NPEPPS: variants seen among roughly 807,000 people sequenced by gnomAD.
NPEPPS encodes puromycin-sensitive aminopeptidase.
In NPEPPS, 14 loss-of-function variants were observed where a neutral mutation model predicts 115.5. The ratio of observed to expected loss-of-function variants is 0.12; its 90% CI spans 0.08 to 0.19. NPEPPS has a LOEUF of 0.19. NPEPPS is among the 10% of genes least tolerant of loss of function. The pLI is 1.00. For synonymous variants in NPEPPS, 285 were observed against 390.6 expected, an observed-to-expected ratio of 0.73 and a Z score of 3.19; for missense variants, 523 against 1,110.8, an observed-to-expected ratio of 0.47 and a Z score of 7.52.
At position 47,621,788 on chromosome 17, in the gene NPEPPS, A is replaced by G. The variant is rs1416155797; in HGVS notation, c.2628A>G (p.Pro876=). The part of the protein sequence containing the change: ...GEVKAFFESH[P]APSAERTIQQ... The stretch of plus-strand genomic sequence containing the variant: ...ACCAGGCTTTCTTCGAGAGTCACCC[A>G]GCTCCTTCAGCTGAGCGTACCATCC... The change falls in exon 23 of 23, where the codon CCA becomes CCG. Residue 876 remains proline, a synonymous_variant. Transcript: ENST00000322157. 1.9e-6 allele frequency: 3 copies of G among 1,611,678 alleles called. No homozygotes were observed. The highest frequency in any genetic ancestry group is 2.5e-6 in the Non-Finnish European group (3 of 1,178,158).
chr17:47,573,290 A>G (rs1365202554), intron 3 of NPEPPS, among the ~76,000 whole-genome samples: 5 of 152,166 alleles, frequency 3.3e-5, no homozygotes, highest in Admixed American at 6.5e-5. Context: ...GTAGCATACT[A>G]CCTTTAAAAT....
intron 1 of NPEPPS, among the ~76,000 whole-genome samples, chr17:47,534,097 CTT>C (rs911885695): frequency 6.9e-6 from 1 of 145,864 alleles, no homozygotes. Context: ...TGACAAAATT[CTT>C]TTTTTTTTTT....
In NPEPPS at chr17:47,565,480, T is replaced by C. The variant is rs1597842807; in HGVS notation, c.341-3937T>C. On this transcript the variant is annotated intron_variant, in intron 2 of 22. Coordinates refer to ENST00000322157, the MANE Select transcript of NPEPPS (RefSeq NM_006310.4). ...GAGATCATGCCACTGCATGCCAGCC[T>C]GGGCGACAGAGCAAGACTCCATCTC... is the stretch of plus-strand genomic sequence containing the variant. Among the ~76,000 whole-genome samples the C allele has an allele frequency of 7.5e-5, 9 of 120,746 alleles. No homozygotes were observed. The Admixed American group carries it at 9.9e-4, about 13-fold the overall frequency. 79.2% of individuals were successfully genotyped at this position (120,746 alleles called of 152,430 possible).
At chr17:47,617,649 A>G (rs1433390454) in intron 19 of NPEPPS, among the ~76,000 whole-genome samples, 1 of 152,186 alleles carries the variant, frequency 6.6e-6, no homozygotes, top group Non-Finnish European at 1.5e-5. Flanking sequence ...ACTATTATAA[A>G]TTAATTTGAT....
rs2143746037 is a variant in NPEPPS, at chr17:47,553,960, C to T, written c.340+7967C>T. ...AGAGACGGGGTTTCATCGTGTTAGC[C>T]AGGATGGTCTCCATCTTCTGACCTC... On this transcript the variant is annotated intron_variant, in intron 2 of 22. Transcript: ENST00000322157. Among the ~76,000 whole-genome samples, 3 of 151,710 alleles carry T rather than the reference C, an allele frequency of 2.0e-5. No individual in the cohort carries two copies. In the East Asian group the frequency reaches 5.8e-4, roughly 29 times the overall value.
chr17:47,594,409 A>T (rs1597872076), intron 12 of NPEPPS, among the ~76,000 whole-genome samples: 1 of 135,088 alleles, frequency 7.4e-6, no homozygotes, highest in African/African-American at 2.7e-5. Flanking sequence ...ATTCTTTTCA[A>T]TTCTTTTTTT....
At position 47,583,923 on chromosome 17, in the gene NPEPPS, TA is replaced by T. The variant is rs58468752; in HGVS notation, c.648+1087del. 3.7e-3 allele frequency among the ~76,000 whole-genome samples: 524 copies of T among 140,014 alleles called. 1 individual carries two copies. Among genetic ancestry groups the T allele is most frequent in the African/African-American group, 0.013 (468 of 36,776 alleles). 91.9% of individuals were successfully genotyped at this position (140,014 alleles called of 152,430 possible). A position where few individuals can be genotyped will look rare whatever the true frequency, so the allele number is the denominator to read the frequency against. On this transcript the variant is annotated intron_variant, in intron 5 of 22. Coordinates refer to ENST00000322157, the MANE Select transcript of NPEPPS (RefSeq NM_006310.4). ...GGTGACAGAACAAGACCCCATCTCTTAAAAAAAAAAAAATAGGCCAGGCATG... is the reference window on the plus strand; with the variant it reads ...GGTGACAGAACAAGACCCCATCTCTTAAAAAAAAAAAATAGGCCAGGCATG...
At chr17:47,573,492 G>C (rs577657936) in intron 3 of NPEPPS, among the ~76,000 whole-genome samples, 31 of 152,328 alleles carry the variant, frequency 2.0e-4, no homozygotes, top group Middle Eastern at 6.8e-3. Flanking sequence ...CTTTGTAAAA[G>C]ATATTGGAGT....
intron 1 of NPEPPS, among the ~76,000 whole-genome samples, chr17:47,541,432 A>G (rs929542451): frequency 2.0e-4 from 30 of 151,262 alleles, no homozygotes; most frequent in African/African-American, 6.6e-4. Context: ...GTTGGAGTGC[A>G]ATGGCGCGAT....
In NPEPPS at chr17:47,524,615, C is replaced by T. The variant is rs530035024; in HGVS notation, c.77+1552C>T. Among the ~76,000 whole-genome samples, 376 of 151,914 alleles carry T rather than the reference C, an allele frequency of 2.5e-3. 3 individuals are homozygous for T. The highest frequency in any genetic ancestry group is 8.7e-3 in the African/African-American group (362 of 41,450). ...GTTCACACCATTCTCCTGCCTCAGC[C>T]TCCTGAGTAGCTGGGACTACAGGCA... is the stretch of plus-strand genomic sequence containing the variant. On this transcript the variant is annotated intron_variant, in intron 1 of 5. Coordinates refer to the NPEPPS transcript ENST00000525007.
chr17:47,592,783 G>T, intron 12 of NPEPPS: 1 of 391,810 alleles, frequency 2.6e-6, no homozygotes, highest in Non-Finnish European at 4.8e-6. Context: ...AAAGTTCTAG[G>T]GTGCATGTGC....
rs200094776 is a variant in NPEPPS at position 47,559,182 on chromosome 17, TAC to T, written c.341-10233_341-10232del. On this transcript the variant is annotated intron_variant, in intron 2 of 22. Transcript: ENST00000322157. ...CCTCAGCCTCCTGAGTAGCTGGAAC[TAC>T]AGATATACGCTACCGTGGTGCCTGG... 7.4e-3 allele frequency among the ~76,000 whole-genome samples: 1,120 copies of T among 152,262 alleles called. 8 individuals carry two copies. Among genetic ancestry groups the T allele is most frequent in the Non-Finnish European group, 0.011 (781 of 68,028 alleles).
chr17:47,589,796 T>C (rs1912392934), intron 9 of NPEPPS, among the ~76,000 whole-genome samples: 1 of 152,216 alleles, frequency 6.6e-6, no homozygotes, highest in Non-Finnish European at 1.5e-5. Flanking sequence ...CAGTACTCTT[T>C]CTCAGTTTCT....
intron 3 of NPEPPS, among the ~76,000 whole-genome samples, chr17:47,578,430 C>G (rs1405448105): frequency 6.6e-6 from 1 of 151,750 alleles, no homozygotes; most frequent in Non-Finnish European, 1.5e-5. Flanking sequence ...CACCATTCCT[C>G]TACGTTTTTT....
chr17:47,584,994 A>C (rs992118673), intron 5 of NPEPPS, among the ~76,000 whole-genome samples: 2 of 151,856 alleles, frequency 1.3e-5, no homozygotes, highest in African/African-American at 4.8e-5. Flanking sequence ...TGCCTGGCTA[A>C]TGTTTTGTAT....
intron 1 of NPEPPS, among the ~76,000 whole-genome samples, chr17:47,534,292 T>C (rs1908031478): frequency 1.3e-5 from 2 of 151,916 alleles, no homozygotes; most frequent in African/African-American, 4.8e-5. Flanking sequence ...AGGGTTTTAC[T>C]GTGGTCTCGA....
At chr17:47,576,026 T>G (rs1911501130) in intron 3 of NPEPPS, among the ~76,000 whole-genome samples, 1 of 152,226 alleles carries the variant, frequency 6.6e-6, no homozygotes, top group South Asian at 2.1e-4. Context: ...ATCTATCTGA[T>G]AATGAAGCAA....
Position 47,531,214 on chromosome 17 carries a change from C to T in NPEPPS, c.-87C>T. 3 of 1,399,678 alleles carry T rather than the reference C, an allele frequency of 2.1e-6. No individual in the cohort carries two copies. Among genetic ancestry groups the T allele is most frequent in the African/African-American group, 1.5e-5 (1 of 68,134 alleles). 86.7% of individuals were successfully genotyped at this position (1,399,678 alleles called of 1,614,324 possible). On this transcript the variant is annotated 5_prime_UTR_variant, in exon 1 of 23. Coordinates refer to ENST00000322157, the MANE Select transcript of NPEPPS (RefSeq NM_006310.4). ...CCAGTCCGCCCGCACCGCCTCCTTCCCAGCCCCTAGCGCTCCGGCTGGGTC... is the reference window on the plus strand; with the variant it reads ...CCAGTCCGCCCGCACCGCCTCCTTCTCAGCCCCTAGCGCTCCGGCTGGGTC...
At chr17:47,613,752 T>C in intron 19 of NPEPPS, 27 bp downstream of exon 19, 1 of 1,571,796 alleles carries the variant, frequency 6.4e-7, no homozygotes. Flanking sequence ...AGGCTCCCAT[T>C]TCCTGCTTTT....
Sources: gnomAD v4.1 joint callset for allele counts (sites outside exome capture counted in the v4.1 genomes callset) on GRCh38, gnomAD v4.1.1 for gene constraint, MANE v1.5 for transcripts, NCBI Gene and HGNC (gene_info 2026-07-23, HGNC 2026-07-21) for gene names.